Variants in CHRNA1 observed in about 807,000 individuals in gnomAD.
CHRNA1 encodes cholinergic receptor nicotinic alpha 1 subunit, also known as acetylcholine receptor subunit alpha.
Under a neutral mutation model 47.1 loss-of-function variants are expected in CHRNA1, and 35 were observed. That is an observed-to-expected ratio of 0.74 (90% CI 0.57 to 0.99). The LOEUF (loss-of-function observed/expected upper bound fraction) is 0.99. Among genes scored for constraint, CHRNA1 ranks in the 50% least tolerant of loss-of-function variants. The pLI is 0.00. For synonymous variants in CHRNA1, 229 were observed against 223.6 expected (o/e 1.02, Z -0.22); for missense variants, 506 against 591.1 (o/e 0.86, Z 1.49).
chr2:174,754,527 G>T (rs1683934276), intron 4 of CHRNA1, 113 bp from the exon 5 acceptor site: 1 of 908,284 alleles, frequency 1.1e-6, no homozygotes, highest in Admixed American at 2.0e-5. Context: ...AATTATAGAA[G>T]CTCTGTTTCG....
chr2:174,749,996 T>G lies in CHRNA1; in HGVS notation c.952A>C (p.Thr318Pro). The G allele has an allele frequency of 6.2e-7, 1 of 1,614,102 alleles. No homozygotes were observed. Among genetic ancestry groups the G allele is most frequent in the South Asian group, 1.1e-5 (1 of 91,068 alleles). The change falls in exon 7 of 9, where the codon ACA becomes CCA. Residue 318 changes from threonine to proline, a missense_variant. Coordinates refer to ENST00000348749, the MANE Select transcript of CHRNA1 (RefSeq NM_000079.4). ...TGGGTGCTGGGTGAGCGGTGGTGTG[T>G]GTTGATGACGATGACAGTGATGATG... ...SIIITVIVIN[T>P]HHRSPSTHVM...
chr2:174,749,879 TG>T, intron 7 of CHRNA1, 66 bp downstream of exon 7: 1 of 1,375,930 alleles, frequency 7.3e-7, no homozygotes, highest in Non-Finnish European at 1.0e-6. Flanking sequence ...AGAAACCCAC[TG>T]GCTCCTCGAA....
chr2:174,757,055 C>T (rs970271057), intron 4 of CHRNA1, among the ~76,000 whole-genome samples: 6 of 152,098 alleles, frequency 3.9e-5, no homozygotes, highest in East Asian at 1.9e-4. Flanking sequence ...CAGTGGATGT[C>T]GAGAAGGTGT....
At chr2:174,759,445 G>T (rs1215834737) in intron 2 of CHRNA1, 43 bp downstream of exon 2, 1 of 1,614,132 alleles carries the variant, frequency 6.2e-7, no homozygotes, top group Non-Finnish European at 8.5e-7. Flanking sequence ...CCAGGGGTGA[G>T]AGGTGTGGGT....
intron 4 of CHRNA1, among the ~76,000 whole-genome samples, chr2:174,754,900 T>C (rs34248082): frequency 0.054 from 8,090 of 149,900 alleles, 180 homozygotes; most frequent in Non-Finnish European, 0.067. Flanking sequence ...TTTTTTTTTT[T>C]TTTGAGATGG....
intron 4 of CHRNA1, among the ~76,000 whole-genome samples, chr2:174,756,376 A>G (rs1683980624): frequency 6.6e-6 from 1 of 152,158 alleles, no homozygotes; most frequent in Non-Finnish European, 1.5e-5. Flanking sequence ...ATAAATCAAG[A>G]GGTTTTCTTC....
chr2:174,760,370 G>A (rs1485895158), intron 1 of CHRNA1, among the ~76,000 whole-genome samples: 1 of 152,148 alleles, frequency 6.6e-6, no homozygotes, highest in African/African-American at 2.4e-5. Context: ...ACATGAAAAA[G>A]GAATAAAGGA....
chr2:174,761,474 C>G (rs1684099564), intron 1 of CHRNA1, among the ~76,000 whole-genome samples: 1 of 152,038 alleles, frequency 6.6e-6, no homozygotes. Context: ...ACCACCACAC[C>G]CAGCTAATTT....
intron 3 of CHRNA1, chr2:174,757,916 C>T (rs376414636): frequency 1.0e-5 from 13 of 1,293,980 alleles, no homozygotes; most frequent in South Asian, 7.3e-5. Flanking sequence ...GTCCTCACAA[C>T]AATCCCGTGA....
intron 3 of CHRNA1, among the ~76,000 whole-genome samples, chr2:174,758,738 G>T (rs148930196): frequency 6.6e-6 from 1 of 152,058 alleles, no homozygotes; most frequent in Non-Finnish European, 1.5e-5. Flanking sequence ...ATGCTGAAGC[G>T]CTAACTCCCA....
chr2:174,761,403 C>A (rs1684097558), intron 1 of CHRNA1, among the ~76,000 whole-genome samples: 1 of 152,114 alleles, frequency 6.6e-6, no homozygotes, highest in Non-Finnish European at 1.5e-5. Context: ...ACCTTAGCCT[C>A]CCCCAACCAA....
chr2:174,752,140 G>A (rs186916069), intron 6 of CHRNA1, among the ~76,000 whole-genome samples: 26 of 152,166 alleles, frequency 1.7e-4, no homozygotes, highest in Admixed American at 4.6e-4. Flanking sequence ...AAGGCAGGGG[G>A]ATCACTTGAG....
Position 174,753,691 on chromosome 2 carries a change from A to AC in CHRNA1, c.589dup (p.Val197GlyfsTer171). On this transcript the variant is annotated frameshift_variant, in exon 6 of 9. Coordinates refer to ENST00000348749, the MANE Select transcript of CHRNA1 (RefSeq NM_000079.4). LOFTEE classifies it high-confidence loss of function. ...CTTCCAGCCCCGGGACTCCTTGATC[A>AC]CCCACTCCCCGCTCTCCATGAAGTT... 1 of 1,613,838 alleles carries AC rather than the reference A, an allele frequency of 6.2e-7. No homozygotes were observed. Among genetic ancestry groups the AC allele is most frequent in the South Asian group, 1.1e-5 (1 of 91,014 alleles).
At chr2:174,755,442 T>C (rs1288565420) in intron 4 of CHRNA1, among the ~76,000 whole-genome samples, 2 of 151,118 alleles carry the variant, frequency 1.3e-5, no homozygotes, top group Non-Finnish European at 3.0e-5. Flanking sequence ...TTTTTTGAGA[T>C]GGAGTCTCCC....
chr2:174,762,567 T>C (rs1465133270), intron 1 of CHRNA1, among the ~76,000 whole-genome samples: 1 of 152,246 alleles, frequency 6.6e-6, no homozygotes, highest in African/African-American at 2.4e-5. Flanking sequence ...CTCATGGAGA[T>C]TGACATTTGT....
At position 174,750,188 on chromosome 2, in the gene CHRNA1, A is replaced by T; in HGVS notation, c.779-19T>A. ...TTCTCCCCTGAAAAGACCAAAAAAA[A>T]AAAAAAAAATCCCACAACTACCCAT... On this transcript the variant is annotated intron_variant, in intron 6 of 8. Transcript: ENST00000348749. 6.2e-7 allele frequency: 1 copy of T among 1,600,524 alleles called. No individual in the cohort carries two copies. Among genetic ancestry groups the T allele is most frequent in the South Asian group, 1.1e-5 (1 of 90,570 alleles).
intron 1 of CHRNA1, among the ~76,000 whole-genome samples, chr2:174,761,204 G>A (rs1184902797): frequency 1.3e-5 from 2 of 152,306 alleles, no homozygotes; most frequent in Admixed American, 1.3e-4. Flanking sequence ...AAGGATCTTT[G>A]TAATTCAAGC....
intron 8 of CHRNA1, 50 bp from the exon 9 acceptor site, chr2:174,748,305 A>G (rs1683775252): frequency 3.1e-6 from 5 of 1,612,018 alleles, no homozygotes; most frequent in Non-Finnish European, 3.4e-6. Flanking sequence ...TGGTTTCTGG[A>G]CTCACAACGT....
chr2:174,764,012 G>A (rs767583233), intron 1 of CHRNA1, among the ~76,000 whole-genome samples: 10 of 151,974 alleles, frequency 6.6e-5, no homozygotes, highest in East Asian at 1.9e-4. Flanking sequence ...ATGAACCCCC[G>A]GACACTACCA....
Sources: allele counts gnomAD v4.1 joint callset (sites outside exome capture counted in the v4.1 genomes callset), GRCh38; gene constraint gnomAD v4.1.1; transcripts MANE v1.5; gene names NCBI Gene and HGNC (gene_info 2026-07-23, HGNC 2026-07-21).